The following MAPKAPK2 variants were observed in gnomAD, a reference collection of about 807,000 sequenced individuals.
MAPKAPK2 encodes MAP kinase-activated protein kinase 2.
In MAPKAPK2, 9 loss-of-function variants were observed where a neutral mutation model predicts 48.8. The ratio of observed to expected loss-of-function variants is 0.18; its 90% CI spans 0.11 to 0.32. The LOEUF (loss-of-function observed/expected upper bound fraction) is 0.32. Among genes scored for constraint, MAPKAPK2 ranks in the 10% least tolerant of loss-of-function variants. MAPKAPK2 has a pLI of 1.00. For missense variants in MAPKAPK2, 331 were observed against 498.3 expected, an observed-to-expected ratio of 0.66 and a Z score of 3.20; for synonymous variants, 202 against 190.6, an observed-to-expected ratio of 1.06 and a Z score of -0.49.
intron 1 of MAPKAPK2, among the ~76,000 whole-genome samples, chr1:206,721,981 C>T (rs575883941): frequency 3.7e-4 from 57 of 152,030 alleles, no homozygotes; most frequent in African/African-American, 1.4e-3. Context: ...AGGAGAATCA[C>T]TTGAACCCGG....
At chr1:206,706,585 A>T (rs1672966184) in intron 1 of MAPKAPK2, among the ~76,000 whole-genome samples, 1 of 152,082 alleles carries the variant, frequency 6.6e-6, no homozygotes, top group African/African-American at 2.4e-5. Flanking sequence ...CCTTGCCAAG[A>T]ACCTCTGAGC....
chr1:206,728,787 G>A lies in MAPKAPK2; in HGVS notation c.357G>A (p.Arg119=). ...WRASQCPHIV[R]IVDVYENLYA... is the part of the protein sequence containing the mutation. ...CCTCCCAGTGCCCGCACATCGTACG[G>A]ATCGTGGATGTGTACGAGAATCTGT... Residue 119 remains arginine, a synonymous_variant, in exon 2 of 10, where the codon CGG becomes CGA. Coordinates refer to ENST00000367103, the MANE Select transcript of MAPKAPK2 (RefSeq NM_032960.4). The A allele has an allele frequency of 6.2e-7, 1 of 1,614,174 alleles. No individual in the cohort carries two copies. The highest frequency in any genetic ancestry group is 1.6e-4 in the Middle Eastern group (1 of 6,062).
intron 1 of MAPKAPK2, among the ~76,000 whole-genome samples, chr1:206,703,134 C>T (rs1178675762): frequency 6.6e-6 from 1 of 152,204 alleles, no homozygotes; most frequent in Non-Finnish European, 1.5e-5. Flanking sequence ...GCATTCTTAC[C>T]CTCAGTGGCC....
rs986926139 is a variant in MAPKAPK2 at position 206,725,329 on chromosome 1, G to A, written c.280-3381G>A. Among the ~76,000 whole-genome samples, 25 of 152,288 alleles carry A rather than the reference G, an allele frequency of 1.6e-4. No individual in the cohort carries two copies. The South Asian group carries it at 2.9e-3, about 18-fold the overall frequency. On this transcript the variant is annotated intron_variant, in intron 1 of 9. Transcript: ENST00000367103. ...CACAGCTCTGGTTGGCAGATGTCCT[G>A]GTGGTCGTCACTGGGCTGAAGACAG...
chr1:206,699,540 A>G (rs1672734785), intron 1 of MAPKAPK2, among the ~76,000 whole-genome samples: 1 of 152,236 alleles, frequency 6.6e-6, no homozygotes, highest in Non-Finnish European at 1.5e-5. Context: ...GTAATAGGCA[A>G]TGCTTGAGAT....
chr1:206,691,796 A>G (rs1672469406), intron 1 of MAPKAPK2, among the ~76,000 whole-genome samples: 1 of 152,100 alleles, frequency 6.6e-6, no homozygotes, highest in South Asian at 2.1e-4. Context: ...GGGTCTGACC[A>G]TCAGCAGTAT....
At chr1:206,712,192 AC>A (rs1558581038) in intron 1 of MAPKAPK2, among the ~76,000 whole-genome samples, 5 of 152,152 alleles carry the variant, frequency 3.3e-5, no homozygotes, top group Admixed American at 2.6e-4. Context: ...GCTTTTAACA[AC>A]GACAACAAAT....
chr1:206,711,116 A>C (rs1238746360), intron 1 of MAPKAPK2, among the ~76,000 whole-genome samples: 6 of 152,256 alleles, frequency 3.9e-5, no homozygotes, highest in Admixed American at 1.3e-4. Flanking sequence ...GCCTGTATTT[A>C]CAAAAAGTGT....
In MAPKAPK2 at chr1:206,729,489, A is replaced by G. The variant is rs367765711; in HGVS notation, c.564+14A>G. On this transcript the variant is annotated intron_variant, in intron 4 of 9. Transcript: ENST00000367103. ...CGGGATGTCAAGGTGCCAGCTGTTC[A>G]TAACCCTGAGCCCGAGTGCTGTGGG... is the stretch of plus-strand genomic sequence containing the variant. 5.6e-6 allele frequency: 9 copies of G among 1,612,072 alleles called. No homozygotes were observed. The African/African-American group carries it at 6.7e-5, about 12-fold the overall frequency.
At chr1:206,724,434 G>C (rs1044585601) in intron 1 of MAPKAPK2, among the ~76,000 whole-genome samples, 1 of 152,136 alleles carries the variant, frequency 6.6e-6, no homozygotes, top group Non-Finnish European at 1.5e-5. Context: ...GTGCCCCCAG[G>C]ACGTCAGCCA....
intron 5 of MAPKAPK2, 40 bp downstream of exon 5, chr1:206,730,138 G>T: frequency 4.3e-6 from 7 of 1,612,190 alleles, no homozygotes; most frequent in South Asian, 1.1e-5. Flanking sequence ...GCTTTTCCCA[G>T]AACTTTTCTC....
intron 1 of MAPKAPK2, among the ~76,000 whole-genome samples, chr1:206,718,548 AAAAAAAT>A (rs1221006257): frequency 6.9e-6 from 1 of 144,214 alleles, no homozygotes; most frequent in Non-Finnish European, 1.5e-5. Context: ...AAAAAAAAAA[AAAAAAAT>A]AGGATGTTAA....
At chr1:206,705,947 T>C (rs1672937338) in intron 1 of MAPKAPK2, among the ~76,000 whole-genome samples, 1 of 151,996 alleles carries the variant, frequency 6.6e-6, no homozygotes, top group South Asian at 2.1e-4. Flanking sequence ...CCGGAGCCTG[T>C]TGCAGGCCTC....
intron 1 of MAPKAPK2, among the ~76,000 whole-genome samples, chr1:206,728,466 G>A (rs1193636413): frequency 5.3e-5 from 8 of 152,122 alleles, no homozygotes; most frequent in African/African-American, 1.4e-4. Context: ...AAGCTGGACC[G>A]AATGGCCTGA....
intron 1 of MAPKAPK2, among the ~76,000 whole-genome samples, chr1:206,697,435 G>A (rs1179355274): frequency 6.6e-6 from 1 of 152,086 alleles, no homozygotes; most frequent in East Asian, 1.9e-4. Flanking sequence ...AAGGATCATG[G>A]CACCAGCATC....
At chr1:206,692,806 G>C (rs1553426487) in intron 1 of MAPKAPK2, among the ~76,000 whole-genome samples, 1 of 152,230 alleles carries the variant, frequency 6.6e-6, no homozygotes, top group Non-Finnish European at 1.5e-5. Flanking sequence ...CATCTCTGTG[G>C]CCAGTGTCCA....
intron 1 of MAPKAPK2, among the ~76,000 whole-genome samples, chr1:206,717,022 T>A (rs1553430487): frequency 6.6e-6 from 1 of 152,226 alleles, no homozygotes; most frequent in Admixed American, 6.5e-5. Flanking sequence ...GCCCCAGGCC[T>A]GATGCGAATA....
At position 206,708,305 on chromosome 1, in the gene MAPKAPK2, C is replaced by T. The variant is rs374999253; in HGVS notation, c.280-20405C>T. ...CACCTCTTGTTTCCCCTGTGGTGTTCCCCACCTGTTGTTACTTCCTATTCC... is the reference window on the plus strand; with the variant it reads ...CACCTCTTGTTTCCCCTGTGGTGTTTCCCACCTGTTGTTACTTCCTATTCC... On this transcript the variant is annotated intron_variant, in intron 1 of 9. Coordinates refer to ENST00000367103, the MANE Select transcript of MAPKAPK2 (RefSeq NM_032960.4). 1.1e-3 allele frequency among the ~76,000 whole-genome samples: 174 copies of T among 152,292 alleles called. 1 individual carries two copies. The highest frequency in any genetic ancestry group is 4.1e-3 in the African/African-American group (170 of 41,554).
Position 206,731,530 on chromosome 1 carries a change from G to T in MAPKAPK2, c.893-110G>T. On this transcript the variant is annotated intron_variant, in intron 7 of 9. Coordinates refer to ENST00000367103, the MANE Select transcript of MAPKAPK2 (RefSeq NM_032960.4). This position sits in a 1 kb window ranked among gnomAD's most constrained non-coding sequence, Gnocchi z 5.9. ...TTGGGGCCAGTTGCTCCGGCAGCCTGCCTCCATGCACCCCCTCTTTGAACC... is the reference window on the plus strand; with the variant it reads ...TTGGGGCCAGTTGCTCCGGCAGCCTTCCTCCATGCACCCCCTCTTTGAACC... 8.8e-7 allele frequency: 1 copy of T among 1,130,732 alleles called. No individual in the cohort carries two copies. Among genetic ancestry groups the T allele is most frequent in the Non-Finnish European group, 1.3e-6 (1 of 748,524 alleles). 70.0% of individuals were successfully genotyped at this position (1,130,732 alleles called of 1,614,324 possible).
Sources: allele counts gnomAD v4.1 joint callset (sites outside exome capture counted in the v4.1 genomes callset), GRCh38; gene constraint gnomAD v4.1.1; non-coding constraint Gnocchi (gnomAD v3.1); transcripts MANE v1.5; gene names NCBI Gene and HGNC (gene_info 2026-07-23, HGNC 2026-07-21).